ANOS1: variants seen among roughly 807,000 people sequenced by gnomAD.
The protein encoded by ANOS1 is anosmin-1.
Under a neutral mutation model 59.0 loss-of-function variants are expected in ANOS1, and 6 were observed. The observed-to-expected ratio is 0.10, with a 90% confidence interval of 0.06 to 0.20. The LOEUF is 0.20. Among genes scored for constraint, ANOS1 ranks in the 10% least tolerant of loss-of-function variants. ANOS1 has a pLI of 1.00. For synonymous variants in ANOS1, 217 were observed against 223.4 expected, an observed-to-expected ratio of 0.97 and a Z score of 0.25; for missense variants, 433 against 542.3, an observed-to-expected ratio of 0.80 and a Z score of 2.00.
At chrX:8,621,184 G>A (rs186288065) in intron 3 of ANOS1, among the ~76,000 whole-genome samples, 80 of 110,149 alleles carry the variant, frequency 7.3e-4, no homozygotes, top group African/African-American at 2.5e-3. Flanking sequence ...TGGCTAACAC[G>A]CAAAACTCCT....
At chrX:8,667,416 C>T (rs1280351331) in intron 2 of ANOS1, among the ~76,000 whole-genome samples, 1 of 111,128 alleles carries the variant, frequency 9.0e-6, no homozygotes, top group Non-Finnish European at 1.9e-5. Context: ...CTGCTTCAGC[C>T]TCCAGAGTAC....
At chrX:8,583,411 AG>A (rs1331130246) in intron 6 of ANOS1, among the ~76,000 whole-genome samples, 1 of 112,272 alleles carries the variant, frequency 8.9e-6, no homozygotes, top group East Asian at 2.8e-4. Context: ...TTTATGGTAT[AG>A]AAATTATATT....
At chrX:8,566,128 T>C (rs910122428) in intron 8 of ANOS1, 2 of 753,208 alleles carry the variant, frequency 2.7e-6, no homozygotes, top group African/African-American at 4.6e-5. Context: ...CGCTCACTCT[T>C]CAGGACTTCA....
Position 8,623,588 on chromosome X carries a change from T to C in ANOS1, c.318+20A>G, listed in dbSNP as rs763251400. ...TCAGATTTGGGTCAAGTGTTTTAAGTACCACTGACGTTCTCCTACCTCACA... is the reference window on the plus strand; with the variant it reads ...TCAGATTTGGGTCAAGTGTTTTAAGCACCACTGACGTTCTCCTACCTCACA... On this transcript the variant is annotated intron_variant, in intron 3 of 13. Transcript: ENST00000262648. 5.1e-6 allele frequency: 6 copies of C among 1,167,923 alleles called. No homozygotes were observed. The South Asian group carries it at 1.1e-4, about 21-fold the overall frequency.
chrX:8,657,382 A>G (rs1163330432), intron 2 of ANOS1, among the ~76,000 whole-genome samples: 2 of 111,140 alleles, frequency 1.8e-5, no homozygotes, highest in African/African-American at 6.6e-5. Context: ...CAAATTGTGA[A>G]ACCTGAGGGT....
At chrX:8,620,876 T>C (rs1399467670) in intron 3 of ANOS1, among the ~76,000 whole-genome samples, 1 of 111,845 alleles carries the variant, frequency 8.9e-6, no homozygotes, top group Admixed American at 9.5e-5. Context: ...TGGATTTGGT[T>C]CAGAACACCT....
At chrX:8,724,598 G>T (rs1053747203) in intron 1 of ANOS1, among the ~76,000 whole-genome samples, 6 of 112,512 alleles carry the variant, frequency 5.3e-5, no homozygotes, top group Admixed American at 1.9e-4. Flanking sequence ...AAGCAAGATG[G>T]TGCCCATCGG....
At chrX:8,565,605 A>G (rs1250563001) in intron 8 of ANOS1, among the ~76,000 whole-genome samples, 1 of 112,667 alleles carries the variant, frequency 8.9e-6, no homozygotes, top group Non-Finnish European at 1.9e-5. Flanking sequence ...GAACAAGCGA[A>G]AGAACTGGAC....
chrX:8,587,818 G>A lies in ANOS1; in HGVS notation c.702C>T (p.Ala234=), dbSNP rs1474340579. ...NYGIHPSEDD[A]THWQTVAQTT... ...CCTGGGCCACTGTCTGCCAGTGAGT[G>A]GCGTCATCTTCGCTAGGATGGATTC... The change falls in exon 5 of 14, where the codon GCC becomes GCT. Residue 234 remains alanine (A), a synonymous_variant. Coordinates refer to ENST00000262648, the MANE Select transcript of ANOS1 (RefSeq NM_000216.4). 1 of 1,202,523 alleles carries A rather than the reference G, an allele frequency of 8.3e-7. No individual in the cohort carries two copies. Among genetic ancestry groups the A allele is most frequent in the African/African-American group, 1.8e-5 (1 of 56,984 alleles).
At chrX:8,675,270 C>T (rs1274855477) in intron 2 of ANOS1, among the ~76,000 whole-genome samples, 1 of 111,999 alleles carries the variant, frequency 8.9e-6, no homozygotes. Flanking sequence ...ATGTATTCCA[C>T]ATTTCCATAG....
In ANOS1 at chrX:8,729,253, T is replaced by C. The variant is rs757145565; in HGVS notation, c.207+2577A>G. 5.4e-5 allele frequency among the ~76,000 whole-genome samples: 6 copies of C among 110,507 alleles called. No homozygotes were observed. The South Asian group carries it at 2.3e-3, about 43-fold the overall frequency. Reference sequence around the variant, plus strand: ...GCAAGAGAAGATGGAAACAGGCACCTGCTCCAGAGACAGCTTTATGGGTGG... The same window carrying C: ...GCAAGAGAAGATGGAAACAGGCACCCGCTCCAGAGACAGCTTTATGGGTGG... On this transcript the variant is annotated intron_variant, in intron 1 of 13. Coordinates refer to ENST00000262648, the MANE Select transcript of ANOS1 (RefSeq NM_000216.4).
intron 8 of ANOS1, among the ~76,000 whole-genome samples, chrX:8,560,599 T>C (rs1930016908): frequency 8.9e-6 from 1 of 112,448 alleles, no homozygotes; most frequent in Non-Finnish European, 1.9e-5. Context: ...CTGTGGGCCA[T>C]AGTTTGCAGA....
At position 8,572,665 on chromosome X, in the gene ANOS1, G is replaced by A. The variant is rs768061641; in HGVS notation, c.857-1961C>T. 2.7e-5 allele frequency among the ~76,000 whole-genome samples: 3 copies of A among 111,649 alleles called. No individual in the cohort carries two copies. In the South Asian group the frequency reaches 1.1e-3, roughly 43 times the overall value. On this transcript the variant is annotated intron_variant, in intron 6 of 13. Transcript: ENST00000262648. ...GTATATAACCAGTAATGAGATTGCT[G>A]GATCAAATGGTATTTCTGAGTCAAG...
At chrX:8,563,269 C>T (rs1325059827) in intron 8 of ANOS1, among the ~76,000 whole-genome samples, 1 of 112,358 alleles carries the variant, frequency 8.9e-6, no homozygotes, top group Non-Finnish European at 1.9e-5. Context: ...GATAGGTTAA[C>T]TACCATATCT....
intron 2 of ANOS1, among the ~76,000 whole-genome samples, chrX:8,672,030 A>C (rs1056327076): frequency 9.0e-6 from 1 of 110,885 alleles, no homozygotes; most frequent in Non-Finnish European, 1.9e-5. Flanking sequence ...TCCTAACTGA[A>C]ATTTTGTATC....
In ANOS1 at chrX:8,609,986, G is replaced by A. The variant is rs1441087530; in HGVS notation, c.319-12730C>T. ...TGTACCACTGCACTCCAGCCTGGGC[G>A]ACAGAGCAAGACTCCATCTCAAAAA... On this transcript the variant is annotated intron_variant, in intron 3 of 13. Transcript: ENST00000262648. Among the ~76,000 whole-genome samples the A allele has an allele frequency of 8.1e-5, 6 of 74,112 alleles. No individual in the cohort carries two copies. In the Admixed American group the frequency reaches 9.0e-4, roughly 11 times the overall value. 64.4% of individuals were successfully genotyped at this position (74,112 alleles called of 115,157 possible).
At chrX:8,581,342 A>G (rs750998725) in intron 6 of ANOS1, among the ~76,000 whole-genome samples, 134 of 111,665 alleles carry the variant, frequency 1.2e-3, no homozygotes, top group Middle Eastern at 4.6e-3. Flanking sequence ...TTTGCCTCCC[A>G]CCATGATTCT....
chrX:8,572,887 G>C (rs1930256279), intron 6 of ANOS1, among the ~76,000 whole-genome samples: 1 of 110,518 alleles, frequency 9.0e-6, no homozygotes, highest in African/African-American at 3.3e-5. Flanking sequence ...CATATGTAAG[G>C]AGGAAATGTA....
intron 2 of ANOS1, among the ~76,000 whole-genome samples, chrX:8,651,446 A>G (rs930011474): frequency 2.7e-5 from 3 of 112,322 alleles, no homozygotes; most frequent in Non-Finnish European, 5.6e-5. Flanking sequence ...CGATGGGGGA[A>G]AAAAAAGACT....
Sources: allele counts gnomAD v4.1 joint callset (sites outside exome capture counted in the v4.1 genomes callset), GRCh38; gene constraint gnomAD v4.1.1; transcripts MANE v1.5; gene names NCBI Gene and HGNC (gene_info 2026-07-23, HGNC 2026-07-21).